The following PIEZO1 variants were observed in gnomAD, a reference collection of about 807,000 sequenced individuals.
PIEZO1 encodes piezo-type mechanosensitive ion channel component 1.
In PIEZO1, 296 loss-of-function variants were observed where a neutral mutation model predicts 297.2. The ratio of observed to expected loss-of-function variants is 1.00; its 90% CI spans 0.91 to 1.10. The LOEUF is 1.10. Among genes scored for constraint, PIEZO1 ranks in the 50% least tolerant of loss-of-function variants. The probability of loss-of-function intolerance (pLI) is 0.00; values close to 1 mark genes in which losing one functional copy is unlikely to be tolerated. For missense variants in PIEZO1, 5,018 were observed against 3,455.5 expected (o/e 1.45, Z -11.34); for synonymous variants, 2,427 against 1,507.5 (o/e 1.61, Z -14.13).
Position 88,734,475 on chromosome 16 carries a change from G to C in PIEZO1, c.2061C>G (p.Pro687=), listed in dbSNP as rs35742404. The change falls in exon 16 of 51, where the codon CCC becomes CCG. Residue 687 remains proline, a synonymous_variant. Transcript: ENST00000301015. ...VSELFSSILV[P]GFFLLACILQ... ...GGATGCAGGCCAGGAGGAAGAAGCC[G>C]GGCACCAGGATGCTGGAGAAGAGCT... 1.9e-6 allele frequency: 3 copies of C among 1,549,746 alleles called. No homozygotes were observed. The highest frequency in any genetic ancestry group is 2.6e-6 in the Non-Finnish European group (3 of 1,146,610).
chr16:88,720,489 TGTC>T lies in PIEZO1; in HGVS notation c.5842_5844del (p.Asp1948del). 1 of 1,550,344 alleles carries T rather than the reference TGTC, an allele frequency of 6.5e-7. No homozygotes were observed. The highest frequency in any genetic ancestry group is 1.2e-5 in the South Asian group (1 of 84,060). On this transcript the variant is annotated inframe_deletion, in exon 41 of 51. Transcript: ENST00000301015. ...GCTGCGCGGTACTTGGTGTGCAGGA[TGTC>T]GTGGAAGAAGCGCCGTAGCGGCCGA...
intron 1 of PIEZO1, among the ~76,000 whole-genome samples, chr16:88,781,991 C>T (rs1206894179): frequency 6.6e-6 from 1 of 152,264 alleles, no homozygotes; most frequent in Non-Finnish European, 1.5e-5. Flanking sequence ...GTGGGTGTCC[C>T]ACAGTCAGTG....
intron 1 of PIEZO1, among the ~76,000 whole-genome samples, chr16:88,783,967 C>T (rs536796570): frequency 6.6e-6 from 1 of 152,240 alleles, no homozygotes; most frequent in Admixed American, 6.5e-5. Context: ...GCAAACCGTC[C>T]CACTTGTCCG....
In PIEZO1 at chr16:88,720,705, C is replaced by T; in HGVS notation, c.5712G>A (p.Glu1904=). Residue 1904 remains glutamate, a synonymous_variant, in exon 40 of 51, where the codon GAG becomes GAA. Coordinates refer to ENST00000301015, the MANE Select transcript of PIEZO1 (RefSeq NM_001142864.4). ...REEEEGEEEK[E]APTGREKRPS... Reference sequence around the variant, plus strand: ...GCCTCTTCTCTCTCCCCGTGGGGGCCTCTTTCTCTTCCTCCCCCTCTTCTT... The same window carrying T: ...GCCTCTTCTCTCTCCCCGTGGGGGCTTCTTTCTCTTCCTCCCCCTCTTCTT... The T allele has an allele frequency of 6.5e-7, 1 of 1,534,996 alleles. No homozygotes were observed.
At position 88,734,412 on chromosome 16, in the gene PIEZO1, G is replaced by A. The variant is rs1342613503; in HGVS notation, c.2124C>T (p.Leu708=). ...LHYFHRPFMQ[L]TDMEHVSLPG... ...GCAGGGACACGTGCTCCATGTCGGT[G>A]AGCTGCATGAAGGGCCTGTGGAAGT... Residue 708 remains leucine, a synonymous_variant, in exon 16 of 51, where the codon CTC becomes CTT. Transcript: ENST00000301015. 8.4e-6 allele frequency: 13 copies of A among 1,549,572 alleles called. No homozygotes were observed. The Admixed American group carries it at 2.2e-4, about 26-fold the overall frequency.
rs1415916531 is a variant in PIEZO1, at chr16:88,722,078, C to T, written c.4956-12G>A. On this transcript the variant is annotated splice_polypyrimidine_tract_variant and intron_variant, in intron 36 of 50. Transcript: ENST00000301015. ...GGATGCGCAGGCGCCTACAGGGAGACCCGCGTGTTTGGGGGAGTCTGGGAC... is the reference window on the plus strand; with the variant it reads ...GGATGCGCAGGCGCCTACAGGGAGATCCGCGTGTTTGGGGGAGTCTGGGAC... The T allele has an allele frequency of 6.5e-7, 1 of 1,541,156 alleles. No individual in the cohort carries two copies. Among genetic ancestry groups the T allele is most frequent in the South Asian group, 1.2e-5 (1 of 83,688 alleles).
chr16:88,753,751 C>T (rs1046889319), intron 1 of PIEZO1, among the ~76,000 whole-genome samples: 3 of 152,202 alleles, frequency 2.0e-5, no homozygotes, highest in African/African-American at 7.2e-5. Context: ...GTTGATGTGG[C>T]CTCAGCTGTG....
intron 1 of PIEZO1, among the ~76,000 whole-genome samples, chr16:88,757,648 G>A (rs953546485): frequency 6.6e-6 from 1 of 152,142 alleles, no homozygotes; most frequent in Non-Finnish European, 1.5e-5. Context: ...AAGCAGGAGA[G>A]CCCGAGGGTT....
chr16:88,720,859 G>A lies in PIEZO1; in HGVS notation c.5669-111C>T, dbSNP rs1295064291. On this transcript the variant is annotated intron_variant, in intron 39 of 50. Coordinates refer to ENST00000301015, the MANE Select transcript of PIEZO1 (RefSeq NM_001142864.4). ...CTCCCTGTTTGACAGACAAGCAGAC[G>A]GAGCACAGGAAAGCTCCCAGTGTCA... The A allele has an allele frequency of 4.7e-5, 59 of 1,255,744 alleles. No homozygotes were observed. The South Asian group carries it at 5.2e-4, about 11-fold the overall frequency. 77.8% of individuals were successfully genotyped at this position (1,255,744 alleles called of 1,614,324 possible). A position where few individuals can be genotyped will look rare whatever the true frequency, so the allele number is the denominator to read the frequency against.
At position 88,731,820 on chromosome 16, in the gene PIEZO1, G is replaced by C. The variant is rs150852918; in HGVS notation, c.3082C>G (p.Arg1028Gly). The C allele has an allele frequency of 9.1e-6, 14 of 1,530,846 alleles. No individual in the cohort carries two copies. Among genetic ancestry groups the C allele is most frequent in the African/African-American group, 1.4e-5 (1 of 69,792 alleles). 94.8% of individuals were successfully genotyped at this position (1,530,846 alleles called of 1,614,324 possible). A position where few individuals can be genotyped will look rare whatever the true frequency, so the allele number is the denominator to read the frequency against. The change falls in exon 22 of 51, where the codon CGC (arginine) becomes GGC (glycine). Residue 1028 changes from arginine to glycine, a missense_variant. By Grantham distance (125) the Arg-to-Gly change is moderately radical (BLOSUM62 -2). Transcript: ENST00000301015. ...HGCWLVAILT[R>G]RHRQAIARLW... ...CGGGCAATGGCCTGGCGGTGCCTGCGGGTGAGGATGGCCACCAGCCAGCAA... is the reference window on the plus strand; with the variant it reads ...CGGGCAATGGCCTGGCGGTGCCTGCCGGTGAGGATGGCCACCAGCCAGCAA...
chr16:88,746,517 C>T (rs568880969), intron 2 of PIEZO1, among the ~76,000 whole-genome samples: 3 of 152,200 alleles, frequency 2.0e-5, no homozygotes, highest in Admixed American at 6.5e-5. Flanking sequence ...TCCAGCCCCC[C>T]AAGGATCAGG....
intron 1 of PIEZO1, among the ~76,000 whole-genome samples, chr16:88,765,713 C>A (rs550160400): frequency 6.6e-6 from 1 of 150,722 alleles, no homozygotes; most frequent in African/African-American, 2.5e-5. Context: ...CTCTGTCGCC[C>A]GCCCAGGCTG....
Position 88,755,570 on chromosome 16 carries a change from G to A in PIEZO1, c.65-6091C>T, listed in dbSNP as rs565824525. On this transcript the variant is annotated intron_variant, in intron 1 of 50. Transcript: ENST00000301015. The stretch of plus-strand genomic sequence containing the variant: ...GGAGGCTGCCTGAGGCCATGTTTCC[G>A]TCTGTAAGTTCCTGCCAGTAAATAG... 1.1e-3 allele frequency among the ~76,000 whole-genome samples: 171 copies of A among 152,354 alleles called. 1 individual carries two copies. Among genetic ancestry groups the A allele is most frequent in the African/African-American group, 3.8e-3 (156 of 41,588 alleles).
intron 1 of PIEZO1, among the ~76,000 whole-genome samples, chr16:88,749,687 G>A (rs528411994): frequency 7.9e-5 from 12 of 152,340 alleles, no homozygotes; most frequent in Non-Finnish European, 1.8e-4. Flanking sequence ...CCAGCGGGGC[G>A]CTGGGGTTTT....
chr16:88,727,786 C>T (rs1196901764), intron 22 of PIEZO1, 125 bp from the exon 23 acceptor site: 1 of 473,252 alleles, frequency 2.1e-6, no homozygotes, highest in African/African-American at 2.0e-5. Context: ...CTCGCGCACA[C>T]CTGGTGTCTC....
At chr16:88,735,078 G>A (rs926633165) in intron 13 of PIEZO1, 25 bp from the exon 14 acceptor site, 10 of 1,550,068 alleles carry the variant, frequency 6.5e-6, no homozygotes, top group African/African-American at 1.4e-5. Context: ...AGGGGCAGGC[G>A]ATGGCATCAG....
chr16:88,773,033 C>G (rs1907495753), intron 1 of PIEZO1, among the ~76,000 whole-genome samples: 1 of 152,254 alleles, frequency 6.6e-6, no homozygotes, highest in African/African-American at 2.4e-5. Flanking sequence ...GGCGGCCTGT[C>G]TGTCCACCCA....
rs1264883016 is a variant in PIEZO1, at chr16:88,738,732, T to G, written c.470A>C (p.Asp157Ala). The change falls in exon 6 of 51, where the codon GAT becomes GCT. Residue 157 changes from aspartate (D) to alanine (A), a missense_variant. Transcript: ENST00000301015. Reference sequence around the variant, plus strand: ...GCTGGCATCCACATCCCTCTCATCATCATCCTGCCAAGGTCACGGACAGGG... The same window carrying G: ...GCTGGCATCCACATCCCTCTCATCAGCATCCTGCCAAGGTCACGGACAGGG... ...RQSPHPRELD[D>A]DERDVDASPT... 8.5e-6 allele frequency: 13 copies of G among 1,529,464 alleles called. No individual in the cohort carries two copies. Among genetic ancestry groups the G allele is most frequent in the Non-Finnish European group, 8.8e-6 (10 of 1,141,758 alleles). 94.7% of individuals were successfully genotyped at this position (1,529,464 alleles called of 1,614,324 possible).
intron 2 of PIEZO1, chr16:88,745,802 T>A (rs1169742278): frequency 6.7e-6 from 1 of 149,348 alleles, no homozygotes; most frequent in Non-Finnish European, 1.5e-5. Context: ...TGCAGGGCTC[T>A]CAGGAGGAAA....
Sources: gnomAD v4.1 joint callset for allele counts (sites outside exome capture counted in the v4.1 genomes callset) on GRCh38, gnomAD v4.1.1 for gene constraint, MANE v1.5 for transcripts, NCBI Gene and HGNC (gene_info 2026-07-23, HGNC 2026-07-21) for gene names.